DLG2: variants seen among roughly 807,000 people sequenced by gnomAD.
The protein encoded by DLG2 is discs large MAGUK scaffold protein 2.
A neutral mutation model predicts 132.5 loss-of-function variants in DLG2; 45 were observed. That is an observed-to-expected ratio of 0.34 (90% confidence interval 0.27 to 0.44). The LOEUF is 0.44. Among genes scored for constraint, DLG2 ranks in the 20% least tolerant of loss-of-function variants. The pLI, the probability that DLG2 is intolerant of heterozygous loss-of-function variation, is 1.00. For missense variants in DLG2, 1,045 were observed against 1,196.9 expected, an observed-to-expected ratio of 0.87 and a Z score of 1.87; for synonymous variants, 424 against 419.6, an observed-to-expected ratio of 1.01 and a Z score of -0.13.
At chr11:84,879,948 TC>T (rs1332440972) in intron 6 of DLG2, among the ~76,000 whole-genome samples, 1 of 151,964 alleles carries the variant, frequency 6.6e-6, no homozygotes, top group Admixed American at 6.6e-5. Context: ...CTAGAAAAAT[TC>T]CAAATCAGTG....
chr11:84,845,693 T>G (rs77093786), intron 6 of DLG2, among the ~76,000 whole-genome samples: 6,475 of 151,594 alleles, frequency 0.043, 223 homozygotes, highest in African/African-American at 0.085. Context: ...TTTTTTTTTT[T>G]TTTTTGACAC....
chr11:85,613,627 C>T (rs935226183), intron 2 of DLG2, among the ~76,000 whole-genome samples: 1 of 152,152 alleles, frequency 6.6e-6, no homozygotes, highest in African/African-American at 2.4e-5. Context: ...TTTGTAAATG[C>T]ACCAATCAGC....
chr11:85,087,844 C>CAAAAAAAAAAAAAAAAAAAA (rs71465019), intron 6 of DLG2, among the ~76,000 whole-genome samples: 3 of 22,044 alleles, frequency 1.4e-4, no homozygotes, highest in African/African-American at 2.4e-4. Flanking sequence ...GACTCCGTCT[C>CAAAAAAAAAAAAAAAAAAAA]AAAAAAAAAA....
intron 15 of DLG2, among the ~76,000 whole-genome samples, chr11:83,886,175 C>A (rs1448321926): frequency 6.6e-6 from 1 of 152,090 alleles, no homozygotes; most frequent in African/African-American, 2.4e-5. Flanking sequence ...AGAGTCAAGA[C>A]CCATCAGTGT....
At chr11:83,789,826 G>A (rs188456855) in intron 17 of DLG2, among the ~76,000 whole-genome samples, 56 of 152,326 alleles carry the variant, frequency 3.7e-4, no homozygotes, top group Middle Eastern at 6.8e-3. Flanking sequence ...GATTACAGGC[G>A]TGAGCCACCA....
chr11:84,788,402 T>C (rs2073287577), intron 6 of DLG2, among the ~76,000 whole-genome samples: 1 of 152,092 alleles, frequency 6.6e-6, no homozygotes, highest in Non-Finnish European at 1.5e-5. Context: ...TGCGCTACTT[T>C]CAGAAATGTC....
intron 7 of DLG2, among the ~76,000 whole-genome samples, chr11:84,517,499 C>T (rs965703017): frequency 1.1e-4 from 17 of 151,674 alleles, no homozygotes; most frequent in African/African-American, 1.7e-4. Context: ...AGATAATAAA[C>T]GCTGGCAAGG....
chr11:85,556,952 A>T (rs150556423), intron 3 of DLG2, among the ~76,000 whole-genome samples: 2 of 151,986 alleles, frequency 1.3e-5, no homozygotes. Context: ...AGCCACTGCA[A>T]TCAGGCAAGA....
chr11:85,459,372 G>A (rs1597498823), intron 3 of DLG2, among the ~76,000 whole-genome samples: 1 of 152,216 alleles, frequency 6.6e-6, no homozygotes, highest in South Asian at 2.1e-4. Flanking sequence ...CTCTCCATAT[G>A]GTGACTGTGG....
intron 6 of DLG2, among the ~76,000 whole-genome samples, chr11:84,768,239 T>G (rs2068722097): frequency 1.3e-5 from 2 of 152,214 alleles, no homozygotes; most frequent in South Asian, 4.1e-4. Flanking sequence ...TCATTATGGC[T>G]ATTTTAGTCT....
intron 10 of DLG2, among the ~76,000 whole-genome samples, chr11:84,063,689 A>G (rs1431465896): frequency 1.3e-5 from 2 of 152,144 alleles, no homozygotes; most frequent in African/African-American, 4.8e-5. Flanking sequence ...CACTATTCAC[A>G]ATAGCAAAGA....
chr11:83,603,977 T>C (rs2058955876), intron 19 of DLG2, among the ~76,000 whole-genome samples: 1 of 152,168 alleles, frequency 6.6e-6, no homozygotes, highest in Non-Finnish European at 1.5e-5. Context: ...TCCCAAAGGT[T>C]TTTATTTCTC....
chr11:85,176,995 A>C (rs2079306116), intron 4 of DLG2, among the ~76,000 whole-genome samples: 1 of 152,152 alleles, frequency 6.6e-6, no homozygotes, highest in Admixed American at 6.6e-5. Flanking sequence ...GGGATACTTT[A>C]CACTGTGGGT....
chr11:85,050,390 G>A (rs924181189), intron 6 of DLG2, among the ~76,000 whole-genome samples: 1 of 151,984 alleles, frequency 6.6e-6, no homozygotes, highest in African/African-American at 2.4e-5. Flanking sequence ...TTTGTCTTTC[G>A]TTTCTTTAGG....
At chr11:84,360,544 G>A (rs992049717) in intron 7 of DLG2, among the ~76,000 whole-genome samples, 2 of 151,960 alleles carry the variant, frequency 1.3e-5, no homozygotes, top group African/African-American at 4.8e-5. Flanking sequence ...CTCCACAATT[G>A]CCCCAGCTTA....
At chr11:83,761,952 T>C (rs1446847215) in intron 18 of DLG2, among the ~76,000 whole-genome samples, 1 of 152,192 alleles carries the variant, frequency 6.6e-6, no homozygotes, top group Non-Finnish European at 1.5e-5. Context: ...GTTATTGTAA[T>C]TACCAGATGC....
At chr11:84,041,462 G>A (rs931941037) in intron 11 of DLG2, among the ~76,000 whole-genome samples, 1 of 151,816 alleles carries the variant, frequency 6.6e-6, no homozygotes, top group South Asian at 2.1e-4. Flanking sequence ...ACAGTGCATC[G>A]TCACAATTTT....
chr11:84,704,976 T>C (rs919332130), intron 6 of DLG2, among the ~76,000 whole-genome samples: 3 of 150,876 alleles, frequency 2.0e-5, no homozygotes, highest in African/African-American at 7.3e-5. Context: ...CATGAGCATG[T>C]ACACATGTGC....
chr11:84,511,905 C>T (rs1006146909), intron 7 of DLG2, among the ~76,000 whole-genome samples: 11 of 152,100 alleles, frequency 7.2e-5, no homozygotes, highest in Admixed American at 3.9e-4. Context: ...AAATTTGGTA[C>T]AAACTGTATT....
Sources: gnomAD v4.1 joint callset for allele counts (sites outside exome capture counted in the v4.1 genomes callset) on GRCh38, gnomAD v4.1.1 for gene constraint, MANE v1.5 for transcripts, NCBI Gene and HGNC (gene_info 2026-07-23, HGNC 2026-07-21) for gene names.